The following ADGRB3 variants were observed in gnomAD, a reference collection of about 807,000 sequenced individuals.
ADGRB3 encodes the protein adhesion G protein-coupled receptor B3.
ADGRB3 carries 37 observed loss-of-function variants against 193.4 expected under a neutral mutation model. The observed-to-expected ratio is 0.19, with a 90% CI of 0.15 to 0.25. ADGRB3 has a LOEUF of 0.25. ADGRB3 is among the 10% of genes least tolerant of loss of function. The pLI is 1.00. For missense variants in ADGRB3, 1,637 were observed against 1,852.9 expected (o/e 0.88, Z 2.14); for synonymous variants, 690 against 644.2 (o/e 1.07, Z -1.08).
At chr6:68,715,931 G>T (rs1229945333) in intron 3 of ADGRB3, among the ~76,000 whole-genome samples, 1 of 151,708 alleles carries the variant, frequency 6.6e-6, no homozygotes, top group Non-Finnish European at 1.5e-5. Context: ...GTGTATTGGG[G>T]TGTATGCATC....
chr6:68,652,459 A>G (rs1280644806), intron 3 of ADGRB3, among the ~76,000 whole-genome samples: 2 of 152,100 alleles, frequency 1.3e-5, no homozygotes, highest in East Asian at 1.9e-4. Flanking sequence ...TTGGACATCA[A>G]GACAGGCACC....
intron 3 of ADGRB3, among the ~76,000 whole-genome samples, chr6:68,919,024 T>C (rs1168067686): frequency 6.6e-6 from 1 of 152,164 alleles, no homozygotes; most frequent in African/African-American, 2.4e-5. Context: ...ACATGTCTTT[T>C]TTTATTCCTC....
intron 17 of ADGRB3, among the ~76,000 whole-genome samples, chr6:69,141,550 G>T (rs1774343261): frequency 6.6e-6 from 1 of 152,084 alleles, no homozygotes; most frequent in African/African-American, 2.4e-5. Flanking sequence ...ATTCCAGTTG[G>T]TGCAAAGGCT....
At chr6:68,803,859 C>A (rs995624818) in intron 3 of ADGRB3, among the ~76,000 whole-genome samples, 1 of 152,134 alleles carries the variant, frequency 6.6e-6, no homozygotes, top group African/African-American at 2.4e-5. Flanking sequence ...AAGTCCAAAT[C>A]GATTATTTTT....
At chr6:68,647,568 G>A (rs1768246791) in intron 3 of ADGRB3, among the ~76,000 whole-genome samples, 1 of 152,098 alleles carries the variant, frequency 6.6e-6, no homozygotes, top group East Asian at 1.9e-4. Context: ...TGTCTGTTTT[G>A]TATTAGATGA....
intron 11 of ADGRB3, among the ~76,000 whole-genome samples, chr6:69,008,822 G>A (rs190429212): frequency 6.6e-6 from 1 of 152,176 alleles, no homozygotes; most frequent in East Asian, 1.9e-4. Flanking sequence ...ATGATGTTGA[G>A]TCTTCAAATG....
intron 3 of ADGRB3, among the ~76,000 whole-genome samples, chr6:68,864,081 T>A (rs1362297373): frequency 6.6e-6 from 1 of 152,192 alleles, no homozygotes; most frequent in East Asian, 1.9e-4. Context: ...ATTACAGGCT[T>A]TATACCATCT....
intron 17 of ADGRB3, among the ~76,000 whole-genome samples, chr6:69,122,033 C>A (rs548151971): frequency 1.3e-5 from 2 of 151,852 alleles, no homozygotes; most frequent in South Asian, 4.2e-4. Context: ...GGCAGAGACA[C>A]TCCCCACTTC....
At chr6:68,728,386 C>A (rs1194652271) in intron 3 of ADGRB3, among the ~76,000 whole-genome samples, 1 of 150,364 alleles carries the variant, frequency 6.7e-6, no homozygotes, top group East Asian at 1.9e-4. Context: ...AAACTCTTAT[C>A]TCCCAGCCTA....
chr6:68,880,107 T>C (rs1400003855), intron 3 of ADGRB3, among the ~76,000 whole-genome samples: 1 of 152,098 alleles, frequency 6.6e-6, no homozygotes, highest in African/African-American at 2.4e-5. Flanking sequence ...AGTGGAGAGA[T>C]TACTGAATCA....
At chr6:68,755,425 A>G (rs1172079640) in intron 3 of ADGRB3, among the ~76,000 whole-genome samples, 1 of 152,160 alleles carries the variant, frequency 6.6e-6, no homozygotes, top group South Asian at 2.1e-4. Context: ...AAGAGCTAGT[A>G]TGGATTCTGA....
chr6:69,235,109 A>C lies in ADGRB3; in HGVS notation c.2685A>C (p.Leu895=). ...TTTCTTGCTTGGCCTTGATTACCCT[A>C]GCAGTTGTCTATGCAGCATTATGGA... ...SGLSCLALIT[L]AVVYAALWRY... Residue 895 remains leucine (L), a synonymous_variant, in exon 19 of 32, where the codon CTA becomes CTC. Coordinates refer to ENST00000370598, the MANE Select transcript of ADGRB3 (RefSeq NM_001704.3). 1 of 1,611,414 alleles carries C rather than the reference A, an allele frequency of 6.2e-7. No homozygotes were observed. Among genetic ancestry groups the C allele is most frequent in the African/African-American group, 1.3e-5 (1 of 74,952 alleles).
chr6:69,114,612 A>G (rs893104747), intron 17 of ADGRB3, among the ~76,000 whole-genome samples: 1 of 152,104 alleles, frequency 6.6e-6, no homozygotes, highest in Admixed American at 6.5e-5. Flanking sequence ...GGTATTGCCT[A>G]GGCTTTCTTC....
At chr6:69,105,860 T>A (rs944154600) in intron 17 of ADGRB3, among the ~76,000 whole-genome samples, 1 of 151,946 alleles carries the variant, frequency 6.6e-6, no homozygotes, top group Non-Finnish European at 1.5e-5. Flanking sequence ...TAGAATAACA[T>A]GCGGTGGCTC....
chr6:69,266,494 A>C (rs182427342), intron 20 of ADGRB3, among the ~76,000 whole-genome samples: 6 of 152,198 alleles, frequency 3.9e-5, no homozygotes, highest in Non-Finnish European at 5.9e-5. Context: ...CTCTGTCCAC[A>C]AAAGATTTAT....
chr6:69,139,511 C>T (rs9360377), intron 17 of ADGRB3, among the ~76,000 whole-genome samples: 97,200 of 152,080 alleles, frequency 0.64, 32,306 homozygotes, highest in East Asian at 0.95. Context: ...TATGTTTATT[C>T]TTACATTATT....
intron 3 of ADGRB3, among the ~76,000 whole-genome samples, chr6:68,868,911 A>ATTGTGTGTGTG: frequency 7.2e-6 from 1 of 139,848 alleles, no homozygotes; most frequent in East Asian, 2.2e-4. Flanking sequence ...CCAGATAATG[A>ATTGTGTGTGTG]TGTGTGTGTG....
chr6:69,192,517 C>T (rs1052183078), intron 17 of ADGRB3, among the ~76,000 whole-genome samples: 1 of 152,126 alleles, frequency 6.6e-6, no homozygotes, highest in Non-Finnish European at 1.5e-5. Flanking sequence ...ATTTTGCATC[C>T]TTCAATCCAA....
At chr6:69,069,747 A>G (rs72917461) in intron 16 of ADGRB3, among the ~76,000 whole-genome samples, 39 of 115,486 alleles carry the variant, frequency 3.4e-4, no homozygotes, top group African/African-American at 6.3e-4. Flanking sequence ...AAAAAAAAAA[A>G]AAAGAAAGAA....
Sources: gnomAD v4.1 joint callset for allele counts (sites outside exome capture counted in the v4.1 genomes callset) on GRCh38, gnomAD v4.1.1 for gene constraint, MANE v1.5 for transcripts, NCBI Gene and HGNC (gene_info 2026-07-23, HGNC 2026-07-21) for gene names.